RGPD2: variants seen among roughly 807,000 people sequenced by gnomAD.
The protein encoded by RGPD2 is RANBP2-like and GRIP domain-containing protein 2.
In RGPD2, 2 loss-of-function variants were observed where a neutral mutation model predicts 36.0. The ratio of observed to expected loss-of-function variants is 0.06; its 90% CI spans 0.02 to 0.17. The LOEUF (loss-of-function observed/expected upper bound fraction) is 0.17, where lower values mean the gene tolerates loss of function less well. Ranked by LOEUF, RGPD2 falls within the 10% of genes least tolerant of loss-of-function variation. The pLI, the probability that RGPD2 is intolerant of heterozygous loss-of-function variation, is 1.00. For missense variants in RGPD2, 40 were observed against 464.3 expected, an observed-to-expected ratio of 0.09 and a Z score of 8.40; for synonymous variants, 19 against 163.8, an observed-to-expected ratio of 0.12 and a Z score of 6.75.
chr2:87,940,632 T>TTGTGTGTGTGTGTG, the RGPD2 span, among the ~76,000 whole-genome samples: 1 of 130,860 alleles, frequency 7.6e-6, no homozygotes, highest in Non-Finnish European at 1.6e-5. Flanking sequence ...AATTTTCTGT[T>TTGTGTGTGTGTGTG]TGTGTGTGTG....
At chr2:87,875,637 T>A in the RGPD2 span, among the ~76,000 whole-genome samples, 3 of 152,218 alleles carry the variant, frequency 2.0e-5, no homozygotes, top group South Asian at 2.1e-4. Flanking sequence ...AATTTTTATA[T>A]CAAGGTTCAT....
chr2:87,971,458 T>C, the RGPD2 span, among the ~76,000 whole-genome samples: 3 of 132,240 alleles, frequency 2.3e-5, no homozygotes, highest in African/African-American at 8.4e-5. Flanking sequence ...GAATATTATA[T>C]ATAAATATAT....
At chr2:87,911,479 G>A in the RGPD2 span, among the ~76,000 whole-genome samples, 5 of 151,760 alleles carry the variant, frequency 3.3e-5, no homozygotes, top group South Asian at 1.0e-3. Context: ...AGGAAATGTT[G>A]CACCTGAAGT....
the RGPD2 span, among the ~76,000 whole-genome samples, chr2:87,939,356 T>G: frequency 1.1e-4 from 17 of 152,140 alleles, no homozygotes; most frequent in African/African-American, 3.9e-4. Flanking sequence ...TTGAAATAAT[T>G]TGAGGTGAAA....
chr2:87,884,998 G>A, the RGPD2 span, among the ~76,000 whole-genome samples: 1 of 152,114 alleles, frequency 6.6e-6, no homozygotes, highest in East Asian at 1.9e-4. Flanking sequence ...AAGAAAAACT[G>A]CAGGCTAATA....
chr2:87,972,648 G>A, the RGPD2 span: 7 of 1,426,398 alleles, frequency 4.9e-6, no homozygotes, highest in Non-Finnish European at 6.6e-6. Context: ...GGGGCTGTAG[G>A]TGGAGGTATG....
At chr2:87,844,626 C>T in the RGPD2 span, among the ~76,000 whole-genome samples, 1 of 151,602 alleles carries the variant, frequency 6.6e-6, no homozygotes, top group Non-Finnish European at 1.5e-5. Context: ...TGTGGAGATA[C>T]ATTATATATA....
chr2:87,979,013 T>A, the RGPD2 span, among the ~76,000 whole-genome samples: 1 of 147,344 alleles, frequency 6.8e-6, no homozygotes, highest in Non-Finnish European at 1.5e-5. Flanking sequence ...CATGGGCGGA[T>A]TATTGAGGCC....
the RGPD2 span, among the ~76,000 whole-genome samples, chr2:87,973,285 C>T: frequency 6.9e-6 from 1 of 145,878 alleles, no homozygotes; most frequent in African/African-American, 2.5e-5. Flanking sequence ...CTGCCGCTAT[C>T]GCCGTTTAAC....
chr2:87,940,346 T>C, the RGPD2 span, among the ~76,000 whole-genome samples: 10 of 150,774 alleles, frequency 6.6e-5, no homozygotes, highest in Non-Finnish European at 1.0e-4. Context: ...CAAAGTTCTT[T>C]GCTAGAAATC....
rs1684728241 is a variant in RGPD2, at chr2:87,756,551, G to A, written c.*841C>T. 3.0e-6 allele frequency: 1 copy of A among 335,774 alleles called. No homozygotes were observed. The highest frequency in any genetic ancestry group is 2.1e-5 in the African/African-American group (1 of 46,898). The allele number at this position is 335,774 out of a possible 1,614,324, so 20.8% of individuals were successfully genotyped here. A position where few individuals can be genotyped will look rare whatever the true frequency, so the allele number is the denominator to read the frequency against. On this transcript the variant is annotated 3_prime_UTR_variant, in exon 23 of 23. Transcript: ENST00000398146. ...AGAATGTGAGCTCTATGATGGCCAA[G>A]CCTCTGGCTGCACTGTGCCCCGTGT...
chr2:87,874,038 G>A, the RGPD2 span, among the ~76,000 whole-genome samples: 2 of 151,388 alleles, frequency 1.3e-5, no homozygotes, highest in Admixed American at 1.3e-4. Context: ...CTTTTGAGAA[G>A]TGTCTGTTCA....
chr2:87,933,628 T>A, the RGPD2 span, among the ~76,000 whole-genome samples: 1 of 149,252 alleles, frequency 6.7e-6, no homozygotes, highest in Non-Finnish European at 1.5e-5. Flanking sequence ...TTATTTAAAT[T>A]CCAATAGTTT....
At chr2:87,971,550 T>C in the RGPD2 span, among the ~76,000 whole-genome samples, 1 of 144,202 alleles carries the variant, frequency 6.9e-6, no homozygotes, top group Non-Finnish European at 1.5e-5. Flanking sequence ...CTCTGATATA[T>C]GTAAAATATT....
At chr2:87,938,257 A>G in the RGPD2 span, among the ~76,000 whole-genome samples, 1 of 151,850 alleles carries the variant, frequency 6.6e-6, no homozygotes, top group African/African-American at 2.4e-5. Context: ...TAGTAATGAA[A>G]TGATGTTGTG....
the RGPD2 span, among the ~76,000 whole-genome samples, chr2:87,876,765 TTC>T: frequency 2.0e-5 from 3 of 152,188 alleles, no homozygotes; most frequent in African/African-American, 7.2e-5. Flanking sequence ...TCTTCGTTAA[TTC>T]TCTGTCTCAA....
chr2:87,872,999 C>G, the RGPD2 span, among the ~76,000 whole-genome samples: 1 of 152,286 alleles, frequency 6.6e-6, no homozygotes, highest in Non-Finnish European at 1.5e-5. Context: ...ACCTCATGAT[C>G]CACCCTCTTC....
At chr2:87,939,898 T>C in the RGPD2 span, among the ~76,000 whole-genome samples, 1 of 151,844 alleles carries the variant, frequency 6.6e-6, no homozygotes, top group East Asian at 1.9e-4. Context: ...ACCAAATGAG[T>C]TAGGGAAACT....
the RGPD2 span, among the ~76,000 whole-genome samples, chr2:87,921,891 C>T: frequency 6.6e-6 from 1 of 151,848 alleles, no homozygotes; most frequent in Non-Finnish European, 1.5e-5. Flanking sequence ...CTGATATTGC[C>T]TTGGTGTTTG....
Sources: gnomAD v4.1 joint callset for allele counts (sites outside exome capture counted in the v4.1 genomes callset) on GRCh38, gnomAD v4.1.1 for gene constraint, MANE v1.5 for transcripts, NCBI Gene and HGNC (gene_info 2026-07-23, HGNC 2026-07-21) for gene names.